The following FAF1 variants were observed in gnomAD, a reference collection of about 807,000 sequenced individuals.
FAF1 encodes Fas associated factor 1, also known as FAS-associated factor 1.
FAF1 carries 25 observed loss-of-function variants against 92.5 expected under a neutral mutation model. The observed-to-expected ratio is 0.27, with a 90% confidence interval of 0.20 to 0.38. The LOEUF (loss-of-function observed/expected upper bound fraction) is 0.38, where lower values mean the gene tolerates loss of function less well. Among genes scored for constraint, FAF1 ranks in the 10% least tolerant of loss-of-function variants. The pLI, the probability that FAF1 is intolerant of heterozygous loss-of-function variation, is 1.00. For synonymous variants in FAF1, 234 were observed against 273.2 expected (o/e 0.86, Z 1.42); for missense variants, 636 against 793.3 (o/e 0.80, Z 2.38).
chr1:50,554,173 T>G (rs1287461988), intron 13 of FAF1, among the ~76,000 whole-genome samples: 1 of 150,616 alleles, frequency 6.6e-6, no homozygotes, highest in Non-Finnish European at 1.5e-5. Flanking sequence ...TGCTGAATCA[T>G]TCAGCATGGC....
At chr1:50,544,446 T>C (rs886935544) in intron 13 of FAF1, among the ~76,000 whole-genome samples, 3 of 152,268 alleles carry the variant, frequency 2.0e-5, no homozygotes, top group Non-Finnish European at 4.4e-5. Flanking sequence ...CCAGGTAATT[T>C]TGATGCAAGT....
chr1:50,562,659 G>A (rs1181082410), intron 13 of FAF1, among the ~76,000 whole-genome samples: 1 of 152,124 alleles, frequency 6.6e-6, no homozygotes, highest in Non-Finnish European at 1.5e-5. Context: ...AAAGTACCTT[G>A]TACATACCTC....
At chr1:50,779,184 T>C (rs1237802793) in intron 4 of FAF1, among the ~76,000 whole-genome samples, 2 of 152,204 alleles carry the variant, frequency 1.3e-5, no homozygotes, top group African/African-American at 4.8e-5. Flanking sequence ...TCTTTTGCTA[T>C]TTCTACCAGA....
intron 13 of FAF1, among the ~76,000 whole-genome samples, chr1:50,562,377 C>T (rs1649961592): frequency 6.6e-6 from 1 of 152,122 alleles, no homozygotes; most frequent in South Asian, 2.1e-4. Context: ...TATTAGCTAG[C>T]CAGCTCCCTC....
At chr1:50,799,938 T>C (rs1192255457) in intron 3 of FAF1, among the ~76,000 whole-genome samples, 1 of 152,176 alleles carries the variant, frequency 6.6e-6, no homozygotes, top group Non-Finnish European at 1.5e-5. Flanking sequence ...TTCAGTTATG[T>C]TAAATCCACA....
intron 7 of FAF1, among the ~76,000 whole-genome samples, chr1:50,666,126 G>C (rs1353288051): frequency 7.1e-6 from 1 of 141,638 alleles, no homozygotes; most frequent in Non-Finnish European, 1.5e-5. Context: ...AGTGAGCCCA[G>C]ATCAAAAAAA....
intron 17 of FAF1, among the ~76,000 whole-genome samples, chr1:50,486,433 T>C (rs1646770023): frequency 1.3e-5 from 2 of 152,162 alleles, no homozygotes; most frequent in Admixed American, 1.3e-4. Context: ...CCCTTTGGTG[T>C]CCATCCAACC....
intron 2 of FAF1, among the ~76,000 whole-genome samples, chr1:50,831,988 G>A (rs1644158033): frequency 6.6e-6 from 1 of 151,922 alleles, no homozygotes; most frequent in Admixed American, 6.6e-5. Context: ...GATCTAGGCT[G>A]TGTGCTCCTT....
At chr1:50,702,012 C>T (rs1657495208) in intron 7 of FAF1, among the ~76,000 whole-genome samples, 1 of 152,016 alleles carries the variant, frequency 6.6e-6, no homozygotes, top group Non-Finnish European at 1.5e-5. Context: ...ACTAAAAATA[C>T]TTAGGTTTCT....
At chr1:50,504,897 G>A (rs957214615) in intron 15 of FAF1, among the ~76,000 whole-genome samples, 1 of 152,150 alleles carries the variant, frequency 6.6e-6, no homozygotes, top group African/African-American at 2.4e-5. Flanking sequence ...CACAAAAGGA[G>A]AATCTTGGGC....
At chr1:50,679,493 G>C (rs1290485259) in intron 7 of FAF1, among the ~76,000 whole-genome samples, 1 of 149,230 alleles carries the variant, frequency 6.7e-6, no homozygotes, top group Non-Finnish European at 1.5e-5. Context: ...AGATGATCCT[G>C]CCTCTCTACT....
chr1:50,687,513 A>C (rs1052338991), intron 7 of FAF1, among the ~76,000 whole-genome samples: 2 of 151,864 alleles, frequency 1.3e-5, no homozygotes, highest in African/African-American at 4.8e-5. Context: ...ACTTTGGGAG[A>C]CTGAGGCAGG....
intron 8 of FAF1, among the ~76,000 whole-genome samples, chr1:50,629,298 T>C (rs1420074288): frequency 2.6e-5 from 4 of 152,008 alleles, no homozygotes; most frequent in Non-Finnish European, 5.9e-5. Flanking sequence ...GCCTCCCAAG[T>C]AGCTGAAATT....
intron 1 of FAF1, among the ~76,000 whole-genome samples, chr1:50,932,534 C>G (rs955890430): frequency 1.3e-5 from 2 of 152,242 alleles, no homozygotes; most frequent in African/African-American, 4.8e-5. Flanking sequence ...TTCCCATGGT[C>G]TTGGGCAGCT....
intron 1 of FAF1, among the ~76,000 whole-genome samples, chr1:50,952,742 C>A (rs1481677887): frequency 6.6e-6 from 1 of 150,974 alleles, no homozygotes; most frequent in African/African-American, 2.4e-5. Flanking sequence ...AACTGAGGAG[C>A]GTCTCTGCCC....
Position 50,452,946 on chromosome 1 carries a change from A to G in FAF1, c.1870-11423T>C, listed in dbSNP as rs1347058331. On this transcript the variant is annotated intron_variant, in intron 18 of 18. Coordinates refer to ENST00000396153, the MANE Select transcript of FAF1 (RefSeq NM_007051.3). ...TAATAGACCACATCCCTCTGGGTCTATCTCCTTCACACTTCCACTAGTGAG... is the reference window on the plus strand; with the variant it reads ...TAATAGACCACATCCCTCTGGGTCTGTCTCCTTCACACTTCCACTAGTGAG... 1.3e-5 allele frequency among the ~76,000 whole-genome samples: 2 copies of G among 152,228 alleles called. 1 individual carries two copies. Among genetic ancestry groups the G allele is most frequent in the South Asian group, 4.1e-4 (2 of 4,836 alleles).
intron 1 of FAF1, among the ~76,000 whole-genome samples, chr1:50,941,782 TTCCCCCA>T (rs1300628277): frequency 6.6e-6 from 1 of 152,190 alleles, no homozygotes. Flanking sequence ...GGGAAACACG[TTCCCCCA>T]TTGGACCCAA....
At chr1:50,696,480 C>T (rs1338892963) in intron 7 of FAF1, among the ~76,000 whole-genome samples, 3 of 152,150 alleles carry the variant, frequency 2.0e-5, no homozygotes, top group East Asian at 1.9e-4. Context: ...GATTGTTATG[C>T]CTCAATTACT....
chr1:50,847,071 T>G (rs1644307738), intron 2 of FAF1, among the ~76,000 whole-genome samples: 1 of 152,188 alleles, frequency 6.6e-6, no homozygotes, highest in Non-Finnish European at 1.5e-5. Flanking sequence ...ATTCTTGATT[T>G]TGTTTTCATT....
Sources: gnomAD v4.1 joint callset for allele counts (sites outside exome capture counted in the v4.1 genomes callset) on GRCh38, gnomAD v4.1.1 for gene constraint, MANE v1.5 for transcripts, NCBI Gene and HGNC (gene_info 2026-07-23, HGNC 2026-07-21) for gene names.